The following ARHGAP39 variants were observed in gnomAD, a reference collection of about 807,000 sequenced individuals.
The protein encoded by ARHGAP39 is Rho GTPase activating protein 39.
Under a neutral mutation model 106.9 loss-of-function variants are expected in ARHGAP39, and 44 were observed. The ratio of observed to expected loss-of-function variants is 0.41; its 90% CI spans 0.32 to 0.53. ARHGAP39 has a LOEUF of 0.53. Ranked by LOEUF, ARHGAP39 falls within the 20% of genes least tolerant of loss-of-function variation. ARHGAP39 has a pLI of 0.21. For synonymous variants in ARHGAP39, 768 were observed against 693.2 expected (o/e 1.11, Z -1.69); for missense variants, 1,496 against 1,577.3 (o/e 0.95, Z 0.87).
At position 144,591,600 on chromosome 8, in the gene ARHGAP39, G is replaced by A. The variant is rs1349085180; in HGVS notation, c.81-10323C>T. The stretch of plus-strand genomic sequence containing the variant: ...ATGAAGGCTCCGGGAGGCCAGTGGT[G>A]CTGGGGGACAGGGTGCGTGCCAGAA... On this transcript the variant is annotated intron_variant, in intron 2 of 11. Transcript: ENST00000377307. This position sits in a 1 kb window ranked among gnomAD's most constrained non-coding sequence, Gnocchi z 5.3. Among the ~76,000 whole-genome samples the A allele has an allele frequency of 1.3e-5, 2 of 152,210 alleles. No individual in the cohort carries two copies. Among genetic ancestry groups the A allele is most frequent in the African/African-American group, 4.8e-5 (2 of 41,448 alleles).
At chr8:144,590,083 G>A (rs1819334024) in intron 2 of ARHGAP39, among the ~76,000 whole-genome samples, 2 of 152,234 alleles carry the variant, frequency 1.3e-5, no homozygotes, top group African/African-American at 2.4e-5. Context: ...GGCCAGCTTG[G>A]TGGGCTCACC....
intron 3 of ARHGAP39, among the ~76,000 whole-genome samples, chr8:144,574,391 C>T (rs899620683): frequency 1.3e-5 from 2 of 152,078 alleles, no homozygotes; most frequent in African/African-American, 4.8e-5. Flanking sequence ...AAAAATTAGG[C>T]TGGGTGTGGT....
the ARHGAP39 span, chr8:144,698,470 A>G: frequency 1.1e-5 from 2 of 176,184 alleles, no homozygotes; most frequent in Admixed American, 5.7e-5. Flanking sequence ...GAGGTTTTTA[A>G]TCTTTTTCTG....
chr8:144,533,985 C>T, intron 8 of ARHGAP39, 144 bp downstream of exon 8: 3 of 908,004 alleles, frequency 3.3e-6, no homozygotes, highest in Non-Finnish European at 3.4e-6. Flanking sequence ...GCCTAGCGTA[C>T]CCCGCCACCC....
At chr8:144,580,156 G>A (rs1301505414) in intron 3 of ARHGAP39, among the ~76,000 whole-genome samples, 3 of 152,052 alleles carry the variant, frequency 2.0e-5, no homozygotes, top group Non-Finnish European at 4.4e-5. Context: ...GAGGGCAGGG[G>A]TCTCCTGGGC....
chr8:144,633,185 G>A (rs181883623), intron 1 of ARHGAP39, among the ~76,000 whole-genome samples: 2 of 151,810 alleles, frequency 1.3e-5, no homozygotes, highest in Admixed American at 6.6e-5. Context: ...AAGGCCAGGC[G>A]CAGTGGCTCA....
At chr8:144,629,317 T>G (rs1191591135) in intron 1 of ARHGAP39, among the ~76,000 whole-genome samples, 1 of 152,000 alleles carries the variant, frequency 6.6e-6, no homozygotes, top group Admixed American at 6.5e-5. Context: ...CCGCAGGCTC[T>G]AGCGGGCCGA....
At chr8:144,688,773 C>G (rs56293010), upstream of ARHGAP39, among the ~76,000 whole-genome samples, 1,367 of 152,088 alleles carry the variant, frequency 9.0e-3, 11 homozygotes, top group Non-Finnish European at 0.015. Context: ...CGCTCGTGGA[C>G]CAGGTGGTAT....
intron 1 of ARHGAP39, among the ~76,000 whole-genome samples, chr8:144,639,018 CT>C (rs895086229): frequency 6.6e-6 from 1 of 152,176 alleles, no homozygotes; most frequent in Non-Finnish European, 1.5e-5. Context: ...AGCCAGTATG[CT>C]TTTTTTAAAA....
intron 1 of ARHGAP39, among the ~76,000 whole-genome samples, chr8:144,609,731 G>A (rs747997586): frequency 6.6e-6 from 1 of 152,028 alleles, no homozygotes; most frequent in East Asian, 1.9e-4. Context: ...TTCTCAAATG[G>A]GATTGGCTAA....
intron 1 of ARHGAP39, among the ~76,000 whole-genome samples, chr8:144,664,413 G>C (rs1379616489): frequency 6.6e-6 from 1 of 152,196 alleles, no homozygotes; most frequent in African/African-American, 2.4e-5. Context: ...GAAGGGCAAG[G>C]CCACGTAAAC....
At chr8:144,546,446 C>G (rs1175367083) in intron 5 of ARHGAP39, among the ~76,000 whole-genome samples, 1 of 152,198 alleles carries the variant, frequency 6.6e-6, no homozygotes, top group Non-Finnish European at 1.5e-5. Flanking sequence ...CCCTCGAGGT[C>G]TCCCCACCCA....
chr8:144,594,956 C>T (rs1228667574), intron 2 of ARHGAP39, among the ~76,000 whole-genome samples: 1 of 152,126 alleles, frequency 6.6e-6, no homozygotes, highest in African/African-American at 2.4e-5. Flanking sequence ...GTGGGAGGAT[C>T]GCTTCAGCCT....
At chr8:144,573,478 G>C (rs1818658241) in intron 3 of ARHGAP39, among the ~76,000 whole-genome samples, 1 of 151,540 alleles carries the variant, frequency 6.6e-6, no homozygotes, top group Admixed American at 6.6e-5. Context: ...CTGGGGGAGG[G>C]ACAGCGTTAG....
intron 1 of ARHGAP39, among the ~76,000 whole-genome samples, chr8:144,685,383 G>T (rs1822559020): frequency 6.6e-6 from 1 of 151,358 alleles, no homozygotes; most frequent in African/African-American, 2.4e-5. Context: ...CCGGGCACAC[G>T]CGAACTCACC....
At chr8:144,549,128 G>A (rs779214919) in intron 4 of ARHGAP39, among the ~76,000 whole-genome samples, 3 of 152,256 alleles carry the variant, frequency 2.0e-5, no homozygotes, top group African/African-American at 4.8e-5. Flanking sequence ...CTCAGTGCAT[G>A]AGTCCCACTC....
At chr8:144,534,999 G>C (rs1289904332) in intron 7 of ARHGAP39, among the ~76,000 whole-genome samples, 1 of 152,216 alleles carries the variant, frequency 6.6e-6, no homozygotes, top group African/African-American at 2.4e-5. Context: ...GCAGATGAGA[G>C]AACACGCCAA....
intron 2 of ARHGAP39, among the ~76,000 whole-genome samples, chr8:144,588,003 C>T (rs2130910416): frequency 6.6e-6 from 1 of 152,350 alleles, no homozygotes; most frequent in Non-Finnish European, 1.5e-5. Context: ...CAGCACCCAT[C>T]ACCATCAGGG....
At chr8:144,686,138 G>C (rs953367746), upstream of ARHGAP39, among the ~76,000 whole-genome samples, 3 of 152,026 alleles carry the variant, frequency 2.0e-5, no homozygotes, top group Admixed American at 6.5e-5. Context: ...GACACGTCTC[G>C]GTGTGGTTTG....
Sources: gnomAD v4.1 joint callset for allele counts (sites outside exome capture counted in the v4.1 genomes callset) on GRCh38, gnomAD v4.1.1 for gene constraint, Gnocchi (gnomAD v3.1) non-coding constraint, MANE v1.5 for transcripts, NCBI Gene and HGNC (gene_info 2026-07-23, HGNC 2026-07-21) for gene names.